Variants in SLC35F4 observed in about 807,000 individuals in gnomAD.
The protein encoded by SLC35F4 is chromosome 14 open reading frame 36.
SLC35F4 carries 24 observed loss-of-function variants against 44.2 expected under a neutral mutation model. The ratio of observed to expected loss-of-function variants is 0.54; its 90% CI spans 0.39 to 0.76. SLC35F4 has a LOEUF of 0.76. SLC35F4 is among the 30% of genes least tolerant of loss of function. The pLI is 0.00. For synonymous variants in SLC35F4, 238 were observed against 223.6 expected (o/e 1.06, Z -0.57); for missense variants, 562 against 586.1 (o/e 0.96, Z 0.42).
intron 1 of SLC35F4, among the ~76,000 whole-genome samples, chr14:57,712,762 T>G (rs2075845508): frequency 6.6e-6 from 1 of 152,236 alleles, no homozygotes; most frequent in South Asian, 2.1e-4. Context: ...ATATTTATAT[T>G]CCATAATTTT....
intron 1 of SLC35F4, among the ~76,000 whole-genome samples, chr14:57,645,121 C>T (rs4322567): frequency 1 from 152,318 of 152,324 alleles, 76,156 homozygotes; most frequent in Middle Eastern, 1. Flanking sequence ...TTTGGTTCCA[C>T]ATGAACTTTA....
chr14:57,861,881 C>T (rs190350899), intron 1 of SLC35F4, among the ~76,000 whole-genome samples: 1 of 152,128 alleles, frequency 6.6e-6, no homozygotes, highest in East Asian at 1.9e-4. Flanking sequence ...ATTCTTCTGC[C>T]TCTTCTCTTC....
rs916873185 is a variant in SLC35F4, at chr14:57,677,977, G to A, written c.104-83853C>T. Among the ~76,000 whole-genome samples, 106 of 151,878 alleles carry A rather than the reference G, an allele frequency of 7.0e-4. 2 individuals carry two copies. The highest frequency in any genetic ancestry group is 5.9e-5 in the Non-Finnish European group (4 of 67,880). On this transcript the variant is annotated intron_variant, in intron 1 of 7. Transcript: ENST00000556826. ...AGATGACATTTGCCTTGCTAGGTTG[G>A]GGAAATTATCCAGGATCCATATTCA...
At position 57,845,104 on chromosome 14, in the gene SLC35F4, C is replaced by A. The variant is rs568292028; in HGVS notation, c.103+20619G>T. On this transcript the variant is annotated intron_variant, in intron 1 of 7. Coordinates refer to ENST00000556826, the MANE Select transcript of SLC35F4 (RefSeq NM_001306087.2). ...ATCTGCACATTGCAAGTTAAGGGTA[C>A]CCTACTAAAAACAAAGTGAAAGTTT... is the stretch of plus-strand genomic sequence containing the variant. Among the ~76,000 whole-genome samples the A allele has an allele frequency of 3.3e-5, 5 of 152,136 alleles. No individual in the cohort carries two copies. In the East Asian group the frequency reaches 9.6e-4, roughly 29 times the overall value.
chr14:57,938,855 CA>C (rs567684586), intron 1 of SLC35F4, among the ~76,000 whole-genome samples: 10 of 151,710 alleles, frequency 6.6e-5, no homozygotes, highest in African/African-American at 2.4e-4. Context: ...AGAAGGGCTG[CA>C]AAAAAAGATT....
At chr14:57,900,419 G>A (rs1888975710) in intron 1 of SLC35F4, among the ~76,000 whole-genome samples, 1 of 151,930 alleles carries the variant, frequency 6.6e-6, no homozygotes, top group African/African-American at 2.4e-5. Flanking sequence ...GCTCACCTCT[G>A]GCCCCCACAC....
intron 1 of SLC35F4, among the ~76,000 whole-genome samples, chr14:57,963,915 G>C (rs1890385421): frequency 6.6e-6 from 1 of 151,772 alleles, no homozygotes; most frequent in Non-Finnish European, 1.5e-5. Flanking sequence ...CAGAGATGGG[G>C]TCTCGTCATC....
intron 1 of SLC35F4, among the ~76,000 whole-genome samples, chr14:57,616,625 C>T (rs1338330957): frequency 6.6e-6 from 1 of 152,168 alleles, no homozygotes; most frequent in Non-Finnish European, 1.5e-5. Context: ...AGATTTTCTC[C>T]AGGCTCCACT....
At chr14:57,714,190 A>G (rs963739635) in intron 1 of SLC35F4, among the ~76,000 whole-genome samples, 1 of 152,186 alleles carries the variant, frequency 6.6e-6, no homozygotes, top group African/African-American at 2.4e-5. Flanking sequence ...TCTAAAAATC[A>G]TTATTCTTTG....
chr14:57,584,521 A>G (rs1188821418), intron 3 of SLC35F4, among the ~76,000 whole-genome samples: 1 of 152,150 alleles, frequency 6.6e-6, no homozygotes, highest in Non-Finnish European at 1.5e-5. Flanking sequence ...TTGTCTGACA[A>G]TTTTACCTCT....
chr14:57,874,789 C>T (rs888307103), intron 1 of SLC35F4, among the ~76,000 whole-genome samples: 7 of 152,136 alleles, frequency 4.6e-5, no homozygotes, highest in Admixed American at 2.6e-4. Context: ...TTCTGTCTTC[C>T]TCTGGCTGAG....
chr14:57,870,650 G>T (rs1459344485), upstream of SLC35F4, among the ~76,000 whole-genome samples: 1 of 152,170 alleles, frequency 6.6e-6, no homozygotes, highest in African/African-American at 2.4e-5. Flanking sequence ...GTATTGCTGT[G>T]ATGGTTAAGT....
At chr14:57,778,658 C>T (rs144141354) in intron 1 of SLC35F4, among the ~76,000 whole-genome samples, 252 of 152,028 alleles carry the variant, frequency 1.7e-3, no homozygotes, top group African/African-American at 5.6e-3. Flanking sequence ...CACCCCAAAC[C>T]AATGGAATAT....
chr14:57,882,742 G>A (rs529705795), intron 1 of SLC35F4, among the ~76,000 whole-genome samples: 32 of 152,256 alleles, frequency 2.1e-4, no homozygotes, highest in African/African-American at 7.7e-4. Flanking sequence ...TTTGAATCAG[G>A]TGAAAAGTTG....
intron 1 of SLC35F4, among the ~76,000 whole-genome samples, chr14:57,899,280 TC>T (rs1218191254): frequency 1.3e-5 from 2 of 152,226 alleles, no homozygotes; most frequent in Non-Finnish European, 2.9e-5. Context: ...TTCCCGTTTT[TC>T]ACATAAGAAG....
chr14:57,724,021 C>T (rs1301276793), intron 1 of SLC35F4, among the ~76,000 whole-genome samples: 2 of 152,148 alleles, frequency 1.3e-5, no homozygotes. Context: ...TTGCATTTGG[C>T]CCCTTCTACA....
chr14:57,874,539 T>C (rs73294860), intron 1 of SLC35F4, among the ~76,000 whole-genome samples: 68 of 152,312 alleles, frequency 4.5e-4, no homozygotes, highest in African/African-American at 1.5e-3. Flanking sequence ...GTGCAAAGTT[T>C]ACAAAGAAGG....
chr14:57,757,565 G>C (rs528584524), intron 1 of SLC35F4, among the ~76,000 whole-genome samples: 1 of 151,836 alleles, frequency 6.6e-6, no homozygotes, highest in East Asian at 1.9e-4. Flanking sequence ...AGTTTCTTTA[G>C]AGTTCATGGT....
At chr14:57,664,444 C>T (rs1305205970) in intron 1 of SLC35F4, among the ~76,000 whole-genome samples, 1 of 151,978 alleles carries the variant, frequency 6.6e-6, no homozygotes, top group African/African-American at 2.4e-5. Context: ...AGTCTCGCTC[C>T]GTCATCCAGG....
Sources: gnomAD v4.1 joint callset for allele counts (sites outside exome capture counted in the v4.1 genomes callset) on GRCh38, gnomAD v4.1.1 for gene constraint, MANE v1.5 for transcripts, NCBI Gene and HGNC (gene_info 2026-07-23, HGNC 2026-07-21) for gene names.